The following HMGA2 variants were observed in gnomAD, a reference collection of about 807,000 sequenced individuals.
HMGA2 encodes the protein high mobility group protein HMGI-C.
A neutral mutation model predicts 19.1 loss-of-function variants in HMGA2; 8 were observed. The observed-to-expected ratio is 0.42, with a 90% CI of 0.25 to 0.76. The LOEUF is 0.76. Ranked by LOEUF, HMGA2 falls within the 30% of genes least tolerant of loss-of-function variation. HMGA2 has a pLI of 0.28. For missense variants in HMGA2, 109 were observed against 136.3 expected, an observed-to-expected ratio of 0.80 and a Z score of 1.00; for synonymous variants, 60 against 48.8, an observed-to-expected ratio of 1.23 and a Z score of -0.96.
chr12:65,917,025 T>C (rs1411591626), intron 3 of HMGA2, among the ~76,000 whole-genome samples: 2 of 152,124 alleles, frequency 1.3e-5, no homozygotes, highest in African/African-American at 2.4e-5. Context: ...AATAAGGGAC[T>C]GAAAAGAGGA....
At chr12:65,869,729 C>T (rs1042958581) in intron 3 of HMGA2, among the ~76,000 whole-genome samples, 1 of 152,158 alleles carries the variant, frequency 6.6e-6, no homozygotes, top group Non-Finnish European at 1.5e-5. Flanking sequence ...TAAATGCCTA[C>T]CAAGCCTGGC....
intron 3 of HMGA2, chr12:65,842,047 G>T: frequency 8.1e-7 from 1 of 1,236,208 alleles, no homozygotes; most frequent in Non-Finnish European, 1.0e-6. Flanking sequence ...TTGTTTTTAT[G>T]AGGTGGTCTG....
intron 3 of HMGA2, chr12:65,882,130 A>G (rs1182692207): frequency 2.9e-5 from 13 of 445,050 alleles, no homozygotes; most frequent in Non-Finnish European, 5.0e-5. Context: ...ACCTTAGTCA[A>G]TGACAGAGCT....
At chr12:65,835,592 A>G (rs547625328) in intron 2 of HMGA2, among the ~76,000 whole-genome samples, 26 of 152,282 alleles carry the variant, frequency 1.7e-4, no homozygotes, top group African/African-American at 6.0e-4. Context: ...TTATTTCTCA[A>G]TAGGCTTTTT....
chr12:65,867,385 T>C, intron 3 of HMGA2: 1 of 387,532 alleles, frequency 2.6e-6, no homozygotes, highest in Non-Finnish European at 5.2e-6. Flanking sequence ...ACTTAATCTG[T>C]TAGTGGGAAA....
At chr12:65,895,862 C>A (rs766236231) in intron 3 of HMGA2, among the ~76,000 whole-genome samples, 7 of 152,162 alleles carry the variant, frequency 4.6e-5, no homozygotes, top group Non-Finnish European at 1.0e-4. Context: ...TATATGCTTT[C>A]CTATTTCCTT....
intron 4 of HMGA2, chr12:65,952,604 GT>G: frequency 1.1e-6 from 1 of 932,304 alleles, no homozygotes; most frequent in Non-Finnish European, 1.5e-6. Flanking sequence ...AAAACCCAGT[GT>G]TTGTGCGTCT....
chr12:65,926,295 T>C (rs893646151), intron 3 of HMGA2, among the ~76,000 whole-genome samples: 6 of 152,188 alleles, frequency 3.9e-5, no homozygotes, highest in Non-Finnish European at 5.9e-5. Context: ...TTCAAAACAG[T>C]GTGGGGCTTC....
At chr12:65,938,936 G>A (rs189273411) in intron 3 of HMGA2, among the ~76,000 whole-genome samples, 5 of 152,142 alleles carry the variant, frequency 3.3e-5, no homozygotes, top group South Asian at 2.1e-4. Context: ...GCAAGTCACT[G>A]GGCCCCCCAA....
chr12:65,832,726 A>G (rs1388756277), intron 2 of HMGA2, among the ~76,000 whole-genome samples: 5 of 152,058 alleles, frequency 3.3e-5, no homozygotes, highest in Admixed American at 2.0e-4. Context: ...AGGGCATTGC[A>G]TTATTTCATA....
In HMGA2 at chr12:65,964,732, A is replaced by G. The variant is rs561457942; in HGVS notation, c.*1440A>G. On this transcript the variant is annotated 3_prime_UTR_variant, in exon 5 of 5. Coordinates refer to ENST00000403681, the MANE Select transcript of HMGA2 (RefSeq NM_003483.6). Reference sequence around the variant, plus strand: ...TTTCAGCATGACTATGTATTTTTCTATGTTTTTTTAATTAAAAATTTTTAA... The same window carrying G: ...TTTCAGCATGACTATGTATTTTTCTGTGTTTTTTTAATTAAAAATTTTTAA... 2.6e-4 allele frequency: 52 copies of G among 197,690 alleles called. No individual in the cohort carries two copies. Among genetic ancestry groups the G allele is most frequent in the Admixed American group, 2.4e-4 (4 of 16,522 alleles). The allele number at this position is 197,690 out of a possible 1,614,324, so 12.2% of individuals were successfully genotyped here. A position where few individuals can be genotyped will look rare whatever the true frequency, so the allele number is the denominator to read the frequency against.
intron 3 of HMGA2, among the ~76,000 whole-genome samples, chr12:65,916,675 G>T (rs1342067968): frequency 4.6e-5 from 7 of 152,190 alleles, no homozygotes; most frequent in Non-Finnish European, 8.8e-5. Context: ...TTGAGTGTAT[G>T]AATATATGTT....
chr12:65,963,473 A>G lies in HMGA2; in HGVS notation c.*181A>G, dbSNP rs1199323021. ...AAATCACATAACCTTAAAAAGGACT[A>G]TATTAATCACCTTCTTTGTAATCCC... On this transcript the variant is annotated 3_prime_UTR_variant, in exon 5 of 5. Coordinates refer to ENST00000403681, the MANE Select transcript of HMGA2 (RefSeq NM_003483.6). 2 of 611,530 alleles carry G rather than the reference A, an allele frequency of 3.3e-6. No individual in the cohort carries two copies. The highest frequency in any genetic ancestry group is 2.9e-6 in the Non-Finnish European group (1 of 345,538). 37.9% of individuals were successfully genotyped at this position (611,530 alleles called of 1,614,324 possible).
At chr12:65,855,076 T>G (rs1430333769) in intron 3 of HMGA2, among the ~76,000 whole-genome samples, 1 of 152,186 alleles carries the variant, frequency 6.6e-6, no homozygotes, top group African/African-American at 2.4e-5. Context: ...ACACACCTGC[T>G]TTTCCTGAAG....
intron 2 of HMGA2, among the ~76,000 whole-genome samples, chr12:65,837,870 CTG>C (rs1260205614): frequency 6.6e-6 from 1 of 152,110 alleles, no homozygotes; most frequent in African/African-American, 2.4e-5. Context: ...CTGGGACAAA[CTG>C]ATGATTTCTG....
chr12:65,838,370 G>T, intron 2 of HMGA2, 149 bp from the exon 3 acceptor site: 1 of 646,614 alleles, frequency 1.5e-6, no homozygotes. Context: ...AACCTTAGAG[G>T]AGACGAAGTT....
At chr12:65,930,312 C>T (rs1439487163) in intron 3 of HMGA2, among the ~76,000 whole-genome samples, 3 of 152,106 alleles carry the variant, frequency 2.0e-5, no homozygotes, top group Admixed American at 1.3e-4. Flanking sequence ...TTAAAGGGTA[C>T]GGCCATGACC....
intron 3 of HMGA2, among the ~76,000 whole-genome samples, chr12:65,938,239 C>T (rs1297909187): frequency 6.6e-6 from 1 of 152,206 alleles, no homozygotes; most frequent in Non-Finnish European, 1.5e-5. Context: ...GAAGCTCCGA[C>T]ATTTCTTGAC....
At chr12:65,848,281 C>A (rs1871309332) in intron 3 of HMGA2, among the ~76,000 whole-genome samples, 1 of 152,196 alleles carries the variant, frequency 6.6e-6, no homozygotes, top group Non-Finnish European at 1.5e-5. Flanking sequence ...AAGGTAGTTT[C>A]TCTTTCTCTC....
Sources: allele counts gnomAD v4.1 joint callset (sites outside exome capture counted in the v4.1 genomes callset), GRCh38; gene constraint gnomAD v4.1.1; transcripts MANE v1.5; gene names NCBI Gene and HGNC (gene_info 2026-07-23, HGNC 2026-07-21).